SBF2: variants seen among roughly 807,000 people sequenced by gnomAD.
The protein encoded by SBF2 is myotubularin-related protein 13.
SBF2 carries 112 observed loss-of-function variants against 225.2 expected under a neutral mutation model. The ratio of observed to expected loss-of-function variants is 0.50; its 90% CI spans 0.43 to 0.58. The LOEUF (loss-of-function observed/expected upper bound fraction) is 0.58, where lower values mean the gene tolerates loss of function less well. SBF2 is among the 20% of genes least tolerant of loss of function. The pLI, the probability that SBF2 is intolerant of heterozygous loss-of-function variation, is 0.00. For missense variants in SBF2, 1,996 were observed against 2,206.2 expected (o/e 0.90, Z 1.91); for synonymous variants, 763 against 773.3 (o/e 0.99, Z 0.22).
At position 9,851,067 on chromosome 11, in the gene SBF2, G is replaced by C. The variant is rs554754471; in HGVS notation, c.2611-849C>G. On this transcript the variant is annotated intron_variant, in intron 21 of 39. Coordinates refer to ENST00000256190, the MANE Select transcript of SBF2 (RefSeq NM_030962.4). ...AGGAGAATCGCTTGAACCTGGGAGGGGGAGGTTGCAGTGAGCCGAGATTGT... is the reference window on the plus strand; with the variant it reads ...AGGAGAATCGCTTGAACCTGGGAGGCGGAGGTTGCAGTGAGCCGAGATTGT... Among the ~76,000 whole-genome samples, 9 of 150,998 alleles carry C rather than the reference G, an allele frequency of 6.0e-5. No individual in the cohort carries two copies. In the South Asian group the frequency reaches 1.0e-3, roughly 17 times the overall value.
At chr11:10,102,775 A>C (rs1287256299) in intron 2 of SBF2, among the ~76,000 whole-genome samples, 1 of 152,194 alleles carries the variant, frequency 6.6e-6, no homozygotes, top group African/African-American at 2.4e-5. Flanking sequence ...GTGTCTGAGT[A>C]ACAGGGTTTT....
chr11:10,029,027 G>T (rs536818502), intron 5 of SBF2, among the ~76,000 whole-genome samples: 11 of 152,174 alleles, frequency 7.2e-5, no homozygotes, highest in African/African-American at 2.4e-4. Context: ...GTAAAAAGGC[G>T]AAGGGCAAGA....
chr11:9,884,683 C>A (rs923584193), intron 17 of SBF2, among the ~76,000 whole-genome samples: 5 of 152,106 alleles, frequency 3.3e-5, no homozygotes. Context: ...CTGACTAGAA[C>A]CTTGGCTCAG....
intron 6 of SBF2, among the ~76,000 whole-genome samples, chr11:10,006,747 C>G (rs1259658115): frequency 6.6e-6 from 1 of 152,200 alleles, no homozygotes; most frequent in East Asian, 1.9e-4. Flanking sequence ...TTCCATTTCT[C>G]TAATCACTTC....
intron 2 of SBF2, among the ~76,000 whole-genome samples, chr11:10,048,200 G>T (rs1949938294): frequency 1.3e-5 from 2 of 152,102 alleles, no homozygotes; most frequent in South Asian, 4.1e-4. Context: ...ACTGGCCCTT[G>T]ATATCCACAT....
intron 13 of SBF2, among the ~76,000 whole-genome samples, chr11:9,985,884 A>G (rs1947178919): frequency 6.6e-6 from 1 of 152,222 alleles, no homozygotes; most frequent in African/African-American, 2.4e-5. Context: ...TCAAGACAGA[A>G]AGTCAACAAA....
At chr11:9,855,836 T>A (rs1221197517) in intron 19 of SBF2, among the ~76,000 whole-genome samples, 1 of 152,146 alleles carries the variant, frequency 6.6e-6, no homozygotes, top group Admixed American at 6.5e-5. Flanking sequence ...CCTGTTTAGG[T>A]GAGAATATTC....
Position 9,829,348 on chromosome 11 carries a change from A to C in SBF2, c.3793+8T>G, listed in dbSNP as rs1401900090. 6.2e-7 allele frequency: 1 copy of C among 1,614,056 alleles called. No homozygotes were observed. Among genetic ancestry groups the C allele is most frequent in the East Asian group, 2.2e-5 (1 of 44,854 alleles). On this transcript the variant is annotated splice_region_variant and intron_variant, in intron 28 of 39. Coordinates refer to ENST00000256190, the MANE Select transcript of SBF2 (RefSeq NM_030962.4). ...GCTGTCAAGAAGAAAAGTATTATCA[A>C]ATCTTACCTGGAGATAGAGCAAAGG... is the stretch of plus-strand genomic sequence containing the variant.
At chr11:9,877,571 A>T (rs1000065917) in intron 17 of SBF2, among the ~76,000 whole-genome samples, 2 of 150,640 alleles carry the variant, frequency 1.3e-5, no homozygotes, top group Non-Finnish European at 3.0e-5. Flanking sequence ...GACAGGCCCC[A>T]GTGTGTGACG....
At chr11:10,008,283 A>G (rs72857190) in intron 6 of SBF2, among the ~76,000 whole-genome samples, 7,953 of 152,272 alleles carry the variant, frequency 0.052, 298 homozygotes, top group Middle Eastern at 0.16. Flanking sequence ...AGGCTACAAG[A>G]GGCCCTAGTG....
At chr11:9,980,670 T>G (rs994977038) in intron 13 of SBF2, among the ~76,000 whole-genome samples, 2 of 151,606 alleles carry the variant, frequency 1.3e-5, no homozygotes, top group African/African-American at 2.4e-5. Context: ...TACTGCAAGC[T>G]CCGGTTCACG....
chr11:10,173,269 G>C (rs543526928), intron 2 of SBF2, among the ~76,000 whole-genome samples: 41 of 152,328 alleles, frequency 2.7e-4, no homozygotes, highest in African/African-American at 9.1e-4. Context: ...TCACTAGGGA[G>C]TGCCAGACAG....
chr11:9,913,643 AAAAATAAAATAAAAT>A lies in SBF2; in HGVS notation c.1861-17647_1861-17633del, dbSNP rs142122670. On this transcript the variant is annotated intron_variant, in intron 16 of 39. Coordinates refer to ENST00000256190, the MANE Select transcript of SBF2 (RefSeq NM_030962.4). ...AGTTGTTTAAAATAGCTGAGATTAA[AAAAATAAAATAAAAT>A]AAAATAAAATAAAATAAAATAAAAT... 9.3e-3 allele frequency among the ~76,000 whole-genome samples: 1,343 copies of A among 144,844 alleles called. 10 individuals are homozygous for A. Among genetic ancestry groups the A allele is most frequent in the Non-Finnish European group, 0.016 (1,027 of 66,220 alleles).
At chr11:9,867,671 G>C (rs77966742) in intron 17 of SBF2, among the ~76,000 whole-genome samples, 1 of 152,128 alleles carries the variant, frequency 6.6e-6, no homozygotes, top group East Asian at 1.9e-4. Flanking sequence ...ATACATAGTG[G>C]AATAATATTC....
chr11:10,082,117 A>G (rs1951391331), intron 2 of SBF2, among the ~76,000 whole-genome samples: 1 of 152,168 alleles, frequency 6.6e-6, no homozygotes, highest in African/African-American at 2.4e-5. Context: ...ACATTCACAA[A>G]CTAGAAAACC....
intron 13 of SBF2, among the ~76,000 whole-genome samples, chr11:9,980,289 T>TAAAAAAA (rs1170874978): frequency 9.4e-6 from 1 of 105,856 alleles, no homozygotes; most frequent in Non-Finnish European, 1.8e-5. Context: ...CTCTTGTAAT[T>TAAAAAAA]AAAAAAAAAA....
In SBF2 at chr11:9,851,165, A is replaced by C. The variant is rs542005222; in HGVS notation, c.2611-947T>G. On this transcript the variant is annotated intron_variant, in intron 21 of 39. Transcript: ENST00000256190. ...AAAAAAAAAACAACAACAAAAAAAAACCCAGAATACATAGATTAGTTAAAA... is the reference window on the plus strand; with the variant it reads ...AAAAAAAAAACAACAACAAAAAAAACCCCAGAATACATAGATTAGTTAAAA... 4.4e-3 allele frequency among the ~76,000 whole-genome samples: 665 copies of C among 151,156 alleles called. 4 individuals carry two copies. The highest frequency in any genetic ancestry group is 0.011 in the African/African-American group (453 of 41,292).
intron 2 of SBF2, among the ~76,000 whole-genome samples, chr11:10,056,222 A>G (rs553959236): frequency 1.4e-4 from 22 of 152,270 alleles, no homozygotes; most frequent in African/African-American, 4.8e-4. Flanking sequence ...TTGGCTATTC[A>G]AGTTCCTTTT....
intron 1 of SBF2, among the ~76,000 whole-genome samples, chr11:10,257,240 T>G (rs565416431): frequency 6.6e-6 from 1 of 152,276 alleles, no homozygotes; most frequent in Non-Finnish European, 1.5e-5. Flanking sequence ...ATCAACAGGA[T>G]TTTATAGCAT....
Sources: allele counts gnomAD v4.1 joint callset (sites outside exome capture counted in the v4.1 genomes callset), GRCh38; gene constraint gnomAD v4.1.1; transcripts MANE v1.5; gene names NCBI Gene and HGNC (gene_info 2026-07-23, HGNC 2026-07-21).